The following COL6A2 variants were observed in gnomAD, a reference collection of about 807,000 sequenced individuals.
COL6A2 encodes the protein collagen alpha-2(VI) chain.
COL6A2 carries 90 observed loss-of-function variants against 124.9 expected under a neutral mutation model. That is an observed-to-expected ratio of 0.72 (90% confidence interval 0.61 to 0.86). The LOEUF (loss-of-function observed/expected upper bound fraction) is 0.86. Ranked by LOEUF, COL6A2 falls within the 40% of genes least tolerant of loss-of-function variation. The pLI, the probability that COL6A2 is intolerant of heterozygous loss-of-function variation, is 0.00. For synonymous variants in COL6A2, 793 were observed against 618.2 expected (o/e 1.28, Z -4.19); for missense variants, 1,607 against 1,502.5 (o/e 1.07, Z -1.15).
At chr21:46,129,252 C>T in intron 27 of COL6A2, 2 of 1,612,938 alleles carry the variant, frequency 1.2e-6, no homozygotes, top group South Asian at 1.1e-5. Flanking sequence ...GGAAGAGGGG[C>T]CGGACGCCAC....
At position 46,116,308 on chromosome 21, in the gene COL6A2, G is replaced by A. The variant is rs1370979266; in HGVS notation, c.901-69G>A. On this transcript the variant is annotated intron_variant, in intron 7 of 27. Coordinates refer to ENST00000300527, the MANE Select transcript of COL6A2 (RefSeq NM_001849.4). The surrounding 1 kb of genome is among the most constrained non-coding windows in gnomAD (Gnocchi z 4.6). ...ACCGAGCACTCCCCTCAGCCTGCAG[G>A]GCTGGCCCTTCCCTGCCTGTGTCTC... is the stretch of plus-strand genomic sequence containing the variant. 41 of 1,571,346 alleles carry A rather than the reference G, an allele frequency of 2.6e-5. No homozygotes were observed. Among genetic ancestry groups the A allele is most frequent in the Non-Finnish European group, 3.5e-5 (40 of 1,146,502 alleles).
chr21:46,128,525 CAAAGCCCAGCCACCCT>C (rs1441714676), intron 27 of COL6A2, among the ~76,000 whole-genome samples: 1 of 152,224 alleles, frequency 6.6e-6, no homozygotes, highest in Non-Finnish European at 1.5e-5. Flanking sequence ...CTGTCCACCC[CAAAGCCCAGCCACCCT>C]GGGCCTGCAG....
rs1437800659 is a variant in COL6A2 at position 46,128,067 on chromosome 21, C to T, written c.2461+1526C>T. Among the ~76,000 whole-genome samples the T allele has an allele frequency of 3.3e-5, 5 of 152,212 alleles. No individual in the cohort carries two copies. The East Asian group carries it at 5.8e-4, about 18-fold the overall frequency. On this transcript the variant is annotated intron_variant, in intron 27 of 27. Transcript: ENST00000300527. ...TTTCTCGTGATCTCTCTGGTTCTGG[C>T]CTCAGGGTGACGTGGGCCTCGTAGG...
intron 2 of COL6A2, 142 bp from the exon 3 acceptor site, chr21:46,111,837 C>G (rs1216335853): frequency 8.7e-5 from 70 of 801,926 alleles, no homozygotes; most frequent in Non-Finnish European, 1.2e-5. Context: ...GACCAGTACC[C>G]AGGTGCCAGG....
chr21:46,132,346 A>ACGGGCAACGAC lies in COL6A2; in HGVS notation c.2855_2865dup (p.Ser956ArgfsTer88). ...CTTCGTGTTCCTCACGGACGGCGTC[A>ACGGGCAACGAC]CGGGCAACGACAGTCTGCACGAGTC... On this transcript the variant is annotated frameshift_variant, in exon 28 of 28. Coordinates refer to ENST00000300527, the MANE Select transcript of COL6A2 (RefSeq NM_001849.4). LOFTEE classifies it high-confidence loss of function. The ACGGGCAACGAC allele has an allele frequency of 6.2e-7, 1 of 1,608,382 alleles. No homozygotes were observed. Among genetic ancestry groups the ACGGGCAACGAC allele is most frequent in the Non-Finnish European group, 8.5e-7 (1 of 1,179,562 alleles).
intron 27 of COL6A2, among the ~76,000 whole-genome samples, chr21:46,130,508 C>A (rs1054818796): frequency 2.0e-5 from 3 of 152,180 alleles, no homozygotes; most frequent in African/African-American, 7.2e-5. Context: ...GCAGGCCAGG[C>A]TGGTCTTCCC....
chr21:46,108,564 A>G (rs2078360400), intron 1 of COL6A2, among the ~76,000 whole-genome samples: 1 of 152,192 alleles, frequency 6.6e-6, no homozygotes, highest in East Asian at 1.9e-4. Context: ...TAAATTTCTT[A>G]CTAGGTTTTA....
chr21:46,126,557 C>G lies in COL6A2; in HGVS notation c.2461+16C>G. On this transcript the variant is annotated intron_variant, in intron 27 of 27. Transcript: ENST00000300527. ...TGCCAAACAGGTAATGCAGGGCACC[C>G]TGAGCCACCACCCCAGACTAGCAAA... 6.2e-7 allele frequency: 1 copy of G among 1,613,384 alleles called. No homozygotes were observed. The highest frequency in any genetic ancestry group is 8.5e-7 in the Non-Finnish European group (1 of 1,179,916).
At position 46,126,493 on chromosome 21, in the gene COL6A2, TCTCTTCC is replaced by T; in HGVS notation, c.2423-9_2423-3del. On this transcript the variant is annotated splice_region_variant and splice_polypyrimidine_tract_variant and intron_variant, in intron 26 of 27. Transcript: ENST00000300527. ...CCCTGGCCTGGCCCGGCCTCTCTCC[TCTCTTCC>T]AGACCCTCAGATCGTGTGCCCAGAC... is the stretch of plus-strand genomic sequence containing the variant. 6.4e-7 allele frequency: 1 copy of T among 1,560,282 alleles called. No homozygotes were observed. The highest frequency in any genetic ancestry group is 8.8e-7 in the Non-Finnish European group (1 of 1,133,606).
intron 15 of COL6A2, 125 bp from the exon 16 acceptor site, chr21:46,120,390 C>T (rs543372981): frequency 3.8e-5 from 28 of 736,576 alleles, no homozygotes; most frequent in South Asian, 5.3e-5. Context: ...GCAGGTCCCC[C>T]GGGACAGACG....
At chr21:46,128,305 A>G (rs1047676858) in intron 27 of COL6A2, among the ~76,000 whole-genome samples, 3 of 152,146 alleles carry the variant, frequency 2.0e-5, no homozygotes, top group Admixed American at 6.5e-5. Context: ...GGCCGCCCTG[A>G]CACCTCATCC....
In COL6A2 at chr21:46,107,784, C is replaced by T. The variant is rs146663622; in HGVS notation, c.-27-3666C>T. ...CTGTAGCCTGGAAGCCATCTCTCCC[C>T]GCTTTGAATTTTCCTGCCTTTCTGG... On this transcript the variant is annotated intron_variant, in intron 1 of 27. Coordinates refer to ENST00000300527, the MANE Select transcript of COL6A2 (RefSeq NM_001849.4). 1.3e-3 allele frequency among the ~76,000 whole-genome samples: 191 copies of T among 152,306 alleles called. 2 individuals are homozygous for T. The highest frequency in any genetic ancestry group is 2.1e-3 in the South Asian group (10 of 4,824).
rs1601228206 is a variant in COL6A2, at chr21:46,117,384, C to T, written c.1000-16C>T. 1.2e-6 allele frequency: 2 copies of T among 1,612,170 alleles called. No individual in the cohort carries two copies. The highest frequency in any genetic ancestry group is 1.7e-6 in the Non-Finnish European group (2 of 1,179,580). On this transcript the variant is annotated splice_polypyrimidine_tract_variant and intron_variant, in intron 10 of 27. Transcript: ENST00000300527. ...GAACCCCGCCCTGAGACTCCTCCTGCCCCCTTCTCCTTCAGGGCAAGCTGG... is the reference window on the plus strand; with the variant it reads ...GAACCCCGCCCTGAGACTCCTCCTGTCCCCTTCTCCTTCAGGGCAAGCTGG...
chr21:46,112,725 C>T (rs2078422147), intron 3 of COL6A2, 79 bp from the exon 4 acceptor site: 3 of 1,605,112 alleles, frequency 1.9e-6, no homozygotes, highest in Non-Finnish European at 2.6e-6. Context: ...GGTGTCCCTC[C>T]ATCCCCACCC....
intron 17 of COL6A2, 120 bp from the exon 18 acceptor site, chr21:46,121,436 A>C (rs2078564354): frequency 1.0e-6 from 1 of 954,412 alleles, no homozygotes; most frequent in African/African-American, 1.6e-5. Context: ...CCCCACAGGC[A>C]GCAGGAGGAG....
At position 46,121,046 on chromosome 21, in the gene COL6A2, T is replaced by C; in HGVS notation, c.1396-15T>C. ...GTCAGTCAAGAGAACCCCAAATTCC[T>C]CCCCTTTCTTCCAGGGAGACCGAGG... On this transcript the variant is annotated splice_polypyrimidine_tract_variant and intron_variant, in intron 16 of 27. Coordinates refer to ENST00000300527, the MANE Select transcript of COL6A2 (RefSeq NM_001849.4). 2.5e-6 allele frequency: 4 copies of C among 1,612,252 alleles called. No homozygotes were observed. Among genetic ancestry groups the C allele is most frequent in the Non-Finnish European group, 3.4e-6 (4 of 1,179,606 alleles).
In COL6A2 at chr21:46,118,676, G is replaced by C; in HGVS notation, c.1179G>C (p.Lys393Asn). The C allele has an allele frequency of 6.2e-7, 1 of 1,609,924 alleles. No homozygotes were observed. Among genetic ancestry groups the C allele is most frequent in the Non-Finnish European group, 8.5e-7 (1 of 1,179,016 alleles). Reference protein sequence around the residue: ...PPGEIGAKGSKGYQGNSGAPG... With the variant: ...PPGEIGAKGSNGYQGNSGAPG... Reference sequence around the variant, plus strand: ...GAGAAATCGGGGCCAAGGGAAGCAAGGTGAGCCCCTCTGCCTCTTCGCCTG... The same window carrying C: ...GAGAAATCGGGGCCAAGGGAAGCAACGTGAGCCCCTCTGCCTCTTCGCCTG... Residue 393 changes from lysine to asparagine, a missense_variant and splice_region_variant, in exon 13 of 28, where the codon AAG (lysine) becomes AAC (asparagine). Physicochemically the swap from Lys to Asn is moderately conservative, Grantham distance 94. Coordinates refer to ENST00000300527, the MANE Select transcript of COL6A2 (RefSeq NM_001849.4).
Position 46,120,587 on chromosome 21 carries a change from C to T in COL6A2, c.1395+10C>T. ...CAACAAAGGAGCCAAGGTAGGGGAG[C>T]AGGGTGGGCCGCACCCCAAGGTAGG... On this transcript the variant is annotated intron_variant, in intron 16 of 27. Transcript: ENST00000300527. 1.4e-6 allele frequency: 2 copies of T among 1,454,546 alleles called. No individual in the cohort carries two copies. The highest frequency in any genetic ancestry group is 1.8e-6 in the Non-Finnish European group (2 of 1,102,534). The allele number at this position is 1,454,546 out of a possible 1,614,324, so 90.1% of individuals were successfully genotyped here.
In COL6A2 at chr21:46,120,550, T is replaced by C; in HGVS notation, c.1368T>C (p.Ala456=). 3.4e-6 allele frequency: 5 copies of C among 1,471,586 alleles called. No individual in the cohort carries two copies. The highest frequency in any genetic ancestry group is 4.5e-6 in the Non-Finnish European group (5 of 1,112,668). The allele number at this position is 1,471,586 out of a possible 1,614,324, so 91.2% of individuals were successfully genotyped here. A position where few individuals can be genotyped will look rare whatever the true frequency, so the allele number is the denominator to read the frequency against. Residue 456 remains alanine, a synonymous_variant, in exon 16 of 28, where the codon GCT becomes GCC. Coordinates refer to ENST00000300527, the MANE Select transcript of COL6A2 (RefSeq NM_001849.4). ...DPGPEGPRGL[A]GEVGNKGAKG... ...GCCCTGAGGGGCCCCGCGGCCTGGC[T>C]GGAGAGGTTGGCAACAAAGGAGCCA...
Sources: allele counts gnomAD v4.1 joint callset (sites outside exome capture counted in the v4.1 genomes callset), GRCh38; gene constraint gnomAD v4.1.1; non-coding constraint Gnocchi (gnomAD v3.1); transcripts MANE v1.5; gene names NCBI Gene and HGNC (gene_info 2026-07-23, HGNC 2026-07-21).